The following CREB3L1 variants were observed in gnomAD, a reference collection of about 807,000 sequenced individuals.
CREB3L1 encodes cyclic AMP-responsive element-binding protein 3-like protein 1.
A neutral mutation model predicts 54.5 loss-of-function variants in CREB3L1; 33 were observed. The observed-to-expected ratio is 0.61, with a 90% CI of 0.46 to 0.81. CREB3L1 has a LOEUF of 0.81. CREB3L1 is among the 30% of genes least tolerant of loss of function. The probability of loss-of-function intolerance (pLI) is 0.00; values close to 1 mark genes in which losing one functional copy is unlikely to be tolerated. For missense variants in CREB3L1, 656 were observed against 673.3 expected (o/e 0.97, Z 0.29); for synonymous variants, 284 against 286.4 (o/e 0.99, Z 0.08).
intron 5 of CREB3L1, 28 bp from the exon 6 acceptor site, chr11:46,312,297 C>T (rs1355729274): frequency 6.4e-7 from 1 of 1,552,742 alleles, no homozygotes; most frequent in Non-Finnish European, 8.7e-7. Context: ...CTGCCTGGCT[C>T]CTAACTACCA....
At chr11:46,306,146 C>T (rs550303114) in intron 2 of CREB3L1, among the ~76,000 whole-genome samples, 106 of 152,218 alleles carry the variant, frequency 7.0e-4, no homozygotes, top group African/African-American at 2.4e-3. Flanking sequence ...TGGGCTCAAG[C>T]GATCCTCCTG....
intron 2 of CREB3L1, among the ~76,000 whole-genome samples, chr11:46,305,214 TG>T (rs2136349111): frequency 6.6e-6 from 1 of 152,264 alleles, no homozygotes; most frequent in African/African-American, 2.4e-5. Context: ...TGGAAGACTG[TG>T]GGCACCCATC....
intron 10 of CREB3L1, 87 bp from the exon 11 acceptor site, chr11:46,320,177 C>T: frequency 7.2e-7 from 1 of 1,394,250 alleles, no homozygotes; most frequent in Non-Finnish European, 9.6e-7. Flanking sequence ...AGATCCAGGG[C>T]CTGCGTCCTT....
intron 2 of CREB3L1, among the ~76,000 whole-genome samples, chr11:46,303,699 T>A (rs1345556554): frequency 1.3e-5 from 2 of 150,086 alleles, no homozygotes; most frequent in African/African-American, 4.9e-5. Context: ...CACATAAAAG[T>A]CCTATGAATA....
intron 1 of CREB3L1, among the ~76,000 whole-genome samples, chr11:46,286,373 T>C (rs543569299): frequency 8.5e-5 from 13 of 152,352 alleles, no homozygotes; most frequent in Non-Finnish European, 1.5e-4. Flanking sequence ...ATAAATGCCA[T>C]CTCTCCCTTT....
rs756326730 is a variant in CREB3L1, at chr11:46,278,144, C to G, written c.33C>G (p.Asp11Glu). ...CCGTCTTGGAACCCTTCCCGGCCGA[C>G]AGGCTGTTCCCCGGATCCAGCTTCC... MDAVLEPFPA[D>E]RLFPGSSFLD... The change falls in exon 1 of 12, where the codon GAC becomes GAG. Residue 11 changes from aspartate to glutamate, a missense_variant. By Grantham distance (45) the Asp-to-Glu change is conservative. This residue lies in a region of CREB3L1 where 339 missense variants were observed against 331.5 expected (regional missense o/e 1.02). Coordinates refer to ENST00000621158, the MANE Select transcript of CREB3L1 (RefSeq NM_052854.4). The surrounding 1 kb of genome is among the most constrained non-coding windows in gnomAD (Gnocchi z 4.2). 5 of 1,568,266 alleles carry G rather than the reference C, an allele frequency of 3.2e-6. No individual in the cohort carries two copies. Among genetic ancestry groups the G allele is most frequent in the Non-Finnish European group, 4.3e-6 (5 of 1,156,590 alleles).
intron 2 of CREB3L1, among the ~76,000 whole-genome samples, chr11:46,305,676 G>A (rs1230859710): frequency 7.5e-5 from 9 of 120,374 alleles, no homozygotes; most frequent in Non-Finnish European, 1.5e-4. Flanking sequence ...ATATATATGT[G>A]TGTGTGTGTA....
chr11:46,296,767 C>CCCTCCCCT (rs1327126228), intron 1 of CREB3L1, among the ~76,000 whole-genome samples: 1 of 152,204 alleles, frequency 6.6e-6, no homozygotes, highest in Non-Finnish European at 1.5e-5. Flanking sequence ...CCCTTGGCCG[C>CCCTCCCCT]CCTCCCCTTC....
In CREB3L1 at chr11:46,311,281, C is replaced by T. The variant is rs184532655; in HGVS notation, c.753+92C>T. 480 of 1,387,634 alleles carry T rather than the reference C, an allele frequency of 3.5e-4. 2 individuals are homozygous for T. In the African/African-American group the frequency reaches 6.5e-3, roughly 19 times the overall value. 86.0% of individuals were successfully genotyped at this position (1,387,634 alleles called of 1,614,324 possible). A position where few individuals can be genotyped will look rare whatever the true frequency, so the allele number is the denominator to read the frequency against. On this transcript the variant is annotated intron_variant, in intron 5 of 11. Coordinates refer to ENST00000621158, the MANE Select transcript of CREB3L1 (RefSeq NM_052854.4). ...CCAGTCAGGAGGGTTTGGGGAGCCCCGAGACTGATCCCCACCCTCATCAGA... is the reference window on the plus strand; with the variant it reads ...CCAGTCAGGAGGGTTTGGGGAGCCCTGAGACTGATCCCCACCCTCATCAGA...
In CREB3L1 at chr11:46,309,123, G is replaced by T. The variant is rs539530414; in HGVS notation, c.517-866G>T. ...TTGTCAACAGTGAGCTCTCTGCACC[G>T]CAGTCCCCTCTCTGTCACTTGAGGG... On this transcript the variant is annotated intron_variant, in intron 3 of 11. Transcript: ENST00000621158. 1.1e-4 allele frequency among the ~76,000 whole-genome samples: 16 copies of T among 152,296 alleles called. No homozygotes were observed. The South Asian group carries it at 2.9e-3, about 28-fold the overall frequency.
At position 46,295,748 on chromosome 11, in the gene CREB3L1, C is replaced by A. The variant is rs1308385241; in HGVS notation, c.103-4187C>A. Among the ~76,000 whole-genome samples the A allele has an allele frequency of 6.6e-6, 1 of 152,218 alleles. No individual in the cohort carries two copies. The highest frequency in any genetic ancestry group is 1.5e-5 in the Non-Finnish European group (1 of 68,044). Reference sequence around the variant, plus strand: ...GCGGCCCCGGGTGTTCCCGGGTTAACCCTTTGTGGGCCGCTCCAGGACGGC... The same window carrying A: ...GCGGCCCCGGGTGTTCCCGGGTTAAACCTTTGTGGGCCGCTCCAGGACGGC... On this transcript the variant is annotated intron_variant, in intron 1 of 11. Coordinates refer to ENST00000621158, the MANE Select transcript of CREB3L1 (RefSeq NM_052854.4). This position sits in a 1 kb window ranked among gnomAD's most constrained non-coding sequence, Gnocchi z 4.6.
chr11:46,305,618 GTA>G (rs1322906816), intron 2 of CREB3L1, among the ~76,000 whole-genome samples: 2 of 139,306 alleles, frequency 1.4e-5, no homozygotes, highest in African/African-American at 5.5e-5. Context: ...ATGTGTGTGT[GTA>G]TATATATGTA....
At chr11:46,315,225 C>T (rs1295807898) in intron 8 of CREB3L1, 3 of 258,780 alleles carry the variant, frequency 1.2e-5, no homozygotes, top group South Asian at 1.1e-4. Context: ...TGGAGAATCC[C>T]ACCTGACCCC....
At chr11:46,305,204 T>C (rs1939362158) in intron 2 of CREB3L1, among the ~76,000 whole-genome samples, 1 of 151,670 alleles carries the variant, frequency 6.6e-6, no homozygotes, top group Non-Finnish European at 1.5e-5. Context: ...TGACTTAGAG[T>C]GGAAGACTGT....
At chr11:46,308,194 C>T (rs756274417) in intron 3 of CREB3L1, among the ~76,000 whole-genome samples, 194 bp downstream of exon 3, 45 of 151,814 alleles carry the variant, frequency 3.0e-4, no homozygotes, top group Non-Finnish European at 6.0e-4. Context: ...CATACCGCAA[C>T]GGGCACAAGC....
intron 1 of CREB3L1, among the ~76,000 whole-genome samples, chr11:46,280,849 C>T (rs1018126971): frequency 1.3e-5 from 2 of 152,072 alleles, no homozygotes; most frequent in Admixed American, 6.6e-5. Context: ...GTAGGGATGG[C>T]GTCTGTGTGC....
rs1020865753 is a variant in CREB3L1, at chr11:46,278,354, T to C, written c.102+141T>C. 5.4e-6 allele frequency: 3 copies of C among 550,936 alleles called. No homozygotes were observed. Among genetic ancestry groups the C allele is most frequent in the Non-Finnish European group, 9.6e-6 (3 of 312,220 alleles). 34.1% of individuals were successfully genotyped at this position (550,936 alleles called of 1,614,324 possible). A position where few individuals can be genotyped will look rare whatever the true frequency, so the allele number is the denominator to read the frequency against. On this transcript the variant is annotated intron_variant, in intron 1 of 11. Coordinates refer to ENST00000621158, the MANE Select transcript of CREB3L1 (RefSeq NM_052854.4). The surrounding 1 kb of genome is among the most constrained non-coding windows in gnomAD (Gnocchi z 4.2). ...CAGCGCAGGGTCTCCAGGAGCGACA[T>C]GTGTTTGGAGCTAAGCGCCCCTCCT...
chr11:46,291,092 G>A (rs1939123241), intron 1 of CREB3L1, among the ~76,000 whole-genome samples: 1 of 152,176 alleles, frequency 6.6e-6, no homozygotes, highest in Non-Finnish European at 1.5e-5. Context: ...CAGGAGGGAG[G>A]CACTGAAGAC....
At chr11:46,300,241 T>C (rs1309003162) in intron 2 of CREB3L1, 78 bp downstream of exon 2, 1 of 1,145,836 alleles carries the variant, frequency 8.7e-7, no homozygotes, top group East Asian at 2.6e-5. Flanking sequence ...GACAAGAGAG[T>C]GTGCCTGCAG....
Sources: allele counts gnomAD v4.1 joint callset (sites outside exome capture counted in the v4.1 genomes callset), GRCh38; gene constraint gnomAD v4.1.1; regional missense constraint gnomAD v4.1.1; non-coding constraint Gnocchi (gnomAD v3.1); transcripts MANE v1.5; gene names NCBI Gene and HGNC (gene_info 2026-07-23, HGNC 2026-07-21).